The following ENPEP variants were observed in gnomAD, a reference collection of about 807,000 sequenced individuals.
ENPEP encodes glutamyl aminopeptidase.
In ENPEP, 103 loss-of-function variants were observed where a neutral mutation model predicts 114.5. That is an observed-to-expected ratio of 0.90 (90% CI 0.77 to 1.06). The LOEUF (loss-of-function observed/expected upper bound fraction) is 1.06, where lower values mean the gene tolerates loss of function less well. Among genes scored for constraint, ENPEP ranks in the 50% least tolerant of loss-of-function variants. The pLI is 0.00. For synonymous variants in ENPEP, 420 were observed against 422.0 expected, an observed-to-expected ratio of 1.00 and a Z score of 0.06; for missense variants, 1,196 against 1,161.3, an observed-to-expected ratio of 1.03 and a Z score of -0.43.
rs1727752339 is a variant in ENPEP at position 110,563,910 on chromosome 4, C to T, written c.*2352C>T. The stretch of plus-strand genomic sequence containing the variant: ...TATACCTGGGTTGAAGGTAATGATA[C>T]TCCTACAGCTTACCCTCCAAGTTGG... On this transcript the variant is annotated 3_prime_UTR_variant, in exon 20 of 20. Coordinates refer to ENST00000265162, the MANE Select transcript of ENPEP (RefSeq NM_001977.4). 1 of 152,126 alleles carries T rather than the reference C, an allele frequency of 6.6e-6. No individual in the cohort carries two copies. The highest frequency in any genetic ancestry group is 2.4e-5 in the African/African-American group (1 of 41,420). 9.4% of individuals were successfully genotyped at this position (152,126 alleles called of 1,614,324 possible). A position where few individuals can be genotyped will look rare whatever the true frequency, so the allele number is the denominator to read the frequency against.
rs76488578 is a variant in ENPEP, at chr4:110,539,617, T to C, written c.1808-3134T>C. ...TATGTTGACCAGGCTGGTCTCAAAC[T>C]GGTCTCAAGCAGTCCTCCTATCTTG... On this transcript the variant is annotated intron_variant, in intron 11 of 19. Coordinates refer to ENST00000265162, the MANE Select transcript of ENPEP (RefSeq NM_001977.4). Among the ~76,000 whole-genome samples the C allele has an allele frequency of 4.8e-3, 735 of 152,246 alleles. 8 individuals carry two copies. Among genetic ancestry groups the C allele is most frequent in the African/African-American group, 0.017 (687 of 41,540 alleles).
In ENPEP at chr4:110,499,617, C is replaced by T. The variant is rs73842138; in HGVS notation, c.919-7020C>T. Among the ~76,000 whole-genome samples, 564 of 152,226 alleles carry T rather than the reference C, an allele frequency of 3.7e-3. 3 individuals are homozygous for T. Among genetic ancestry groups the T allele is most frequent in the African/African-American group, 0.013 (544 of 41,538 alleles). On this transcript the variant is annotated intron_variant, in intron 3 of 19. Coordinates refer to ENST00000265162, the MANE Select transcript of ENPEP (RefSeq NM_001977.4). ...TTGAATACTATATGTTAATGATTAA[C>T]TACAGTGGGATTTGGGGCAATGTCT...
intron 19 of ENPEP, among the ~76,000 whole-genome samples, chr4:110,560,157 G>C (rs1291825550): frequency 1.3e-5 from 2 of 152,152 alleles, no homozygotes; most frequent in African/African-American, 4.8e-5. Flanking sequence ...ATTCCATGGT[G>C]TATATGTGCC....
rs568753070 is a variant in ENPEP at position 110,477,512 on chromosome 4, ATT to A, written c.644+463_644+464del. Among the ~76,000 whole-genome samples, 1,047 of 148,908 alleles carry A rather than the reference ATT, an allele frequency of 7.0e-3. 6 individuals carry two copies. The highest frequency in any genetic ancestry group is 0.012 in the Non-Finnish European group (808 of 66,906). On this transcript the variant is annotated intron_variant, in intron 1 of 19. Transcript: ENST00000265162. ...GTAAATTTCAGTTATTATTTTGTCC[ATT>A]TTTTTTTTGTCCAATGTCTCTTTTT...
intron 2 of ENPEP, among the ~76,000 whole-genome samples, chr4:110,490,246 G>C (rs188193355): frequency 9.4e-4 from 143 of 152,254 alleles, no homozygotes; most frequent in African/African-American, 3.3e-3. Context: ...TTATGGTAGA[G>C]TAATGTAGCC....
intron 11 of ENPEP, among the ~76,000 whole-genome samples, chr4:110,531,805 A>G (rs1467295478): frequency 6.6e-6 from 1 of 152,166 alleles, no homozygotes; most frequent in Non-Finnish European, 1.5e-5. Context: ...AATAATAGAT[A>G]AGGCAAGCTT....
intron 10 of ENPEP, among the ~76,000 whole-genome samples, chr4:110,521,672 A>G (rs1366261598): frequency 3.3e-5 from 5 of 152,098 alleles, no homozygotes; most frequent in Non-Finnish European, 7.4e-5. Flanking sequence ...ATGAACCAGG[A>G]GCAGAATGTC....
intron 4 of ENPEP, among the ~76,000 whole-genome samples, chr4:110,508,695 C>T (rs1725464148): frequency 6.6e-6 from 1 of 152,138 alleles, no homozygotes; most frequent in Non-Finnish European, 1.5e-5. Flanking sequence ...CCTGTAGTCC[C>T]AGCTACTCAG....
chr4:110,544,436 A>G (rs1726973921), intron 13 of ENPEP, among the ~76,000 whole-genome samples: 1 of 152,064 alleles, frequency 6.6e-6, no homozygotes, highest in Non-Finnish European at 1.5e-5. Context: ...AGAAAATATG[A>G]TGTTCTAGTG....
chr4:110,537,543 C>T (rs1160877644), intron 11 of ENPEP, among the ~76,000 whole-genome samples: 2 of 152,186 alleles, frequency 1.3e-5, no homozygotes, highest in Non-Finnish European at 2.9e-5. Flanking sequence ...CAGTTACATC[C>T]TCCATATAGG....
At chr4:110,491,601 T>C (rs1237039849) in intron 3 of ENPEP, among the ~76,000 whole-genome samples, 1 of 152,204 alleles carries the variant, frequency 6.6e-6, no homozygotes, top group African/African-American at 2.4e-5. Flanking sequence ...CATTCCTATA[T>C]GTAATCAAAA....
intron 14 of ENPEP, 43 bp from the exon 15 acceptor site, chr4:110,549,303 T>G: frequency 7.1e-7 from 1 of 1,403,546 alleles, no homozygotes; most frequent in South Asian, 1.2e-5. Flanking sequence ...ACTACTGATA[T>G]GTAGTAAATT....
At chr4:110,494,583 A>G (rs1239793406) in intron 3 of ENPEP, among the ~76,000 whole-genome samples, 2 of 152,174 alleles carry the variant, frequency 1.3e-5, no homozygotes, top group African/African-American at 2.4e-5. Flanking sequence ...CTTTATATCA[A>G]TAAACACAGA....
rs773539982 is a variant in ENPEP, at chr4:110,476,583, C to A, written c.169C>A (p.Pro57Thr). Residue 57 changes from proline to threonine, a missense_variant, in exon 1 of 20, where the codon CCT becomes ACT. Coordinates refer to ENST00000265162, the MANE Select transcript of ENPEP (RefSeq NM_001977.4). ...CGGCGGGCCGGGCACTGCGCCAGCT[C>A]CTTCCCACCTGCCTTCTTCCACGGC... ...GDGGPGTAPA[P>T]SHLPSSTASP... The A allele has an allele frequency of 3.1e-6, 5 of 1,613,950 alleles. No homozygotes were observed. The Admixed American group carries it at 8.3e-5, about 27-fold the overall frequency.
Position 110,563,526 on chromosome 4 carries a change from T to TA in ENPEP, c.*1970dup, listed in dbSNP as rs1727742209. ...ACCTGTTTTTTAAAAGGCTGATGCC[T>TA]AATAGATAGATCTATGCCAAGCACA... On this transcript the variant is annotated 3_prime_UTR_variant, in exon 20 of 20. Transcript: ENST00000265162. The TA allele has an allele frequency of 6.6e-6, 1 of 152,194 alleles. No individual in the cohort carries two copies. Among genetic ancestry groups the TA allele is most frequent in the Non-Finnish European group, 1.5e-5 (1 of 68,020 alleles). 9.4% of individuals were successfully genotyped at this position (152,194 alleles called of 1,614,324 possible).
At chr4:110,540,036 A>C (rs1048846984) in intron 11 of ENPEP, among the ~76,000 whole-genome samples, 1 of 152,086 alleles carries the variant, frequency 6.6e-6, no homozygotes, top group Non-Finnish European at 1.5e-5. Flanking sequence ...AAAAGTAAGA[A>C]TTTTCTAGAA....
chr4:110,537,071 GC>G, intron 11 of ENPEP, among the ~76,000 whole-genome samples: 1 of 152,296 alleles, frequency 6.6e-6, no homozygotes, highest in East Asian at 1.9e-4. Flanking sequence ...TAAGTCTTCA[GC>G]GAGTTGTAAT....
In ENPEP at chr4:110,506,697, A is replaced by G. The variant is rs1725385341; in HGVS notation, c.979A>G (p.Lys327Glu). Residue 327 changes from lysine (K) to glutamate (E), a missense_variant, in exon 4 of 20, where the codon AAA becomes GAA. By Grantham distance (56) the Lys-to-Glu change is moderately conservative. Coordinates refer to ENST00000265162, the MANE Select transcript of ENPEP (RefSeq NM_001977.4). Reference protein sequence around the residue: ...HTAEYAANITKSVFDYFEEYF... With the variant: ...HTAEYAANITESVFDYFEEYF... ...AGCCGAATATGCTGCAAACATAACT[A>G]AAAGTGTGTTTGATTATTTTGAAGA... 6.2e-7 allele frequency: 1 copy of G among 1,611,426 alleles called. No individual in the cohort carries two copies. Among genetic ancestry groups the G allele is most frequent in the Non-Finnish European group, 8.5e-7 (1 of 1,177,988 alleles).
chr4:110,508,079 C>G (rs934268262), intron 4 of ENPEP, among the ~76,000 whole-genome samples: 14 of 152,104 alleles, frequency 9.2e-5, no homozygotes, highest in Non-Finnish European at 1.9e-4. Flanking sequence ...GTGGAAATCT[C>G]ACAAATTTAT....
Sources: allele counts gnomAD v4.1 joint callset (sites outside exome capture counted in the v4.1 genomes callset), GRCh38; gene constraint gnomAD v4.1.1; transcripts MANE v1.5; gene names NCBI Gene and HGNC (gene_info 2026-07-23, HGNC 2026-07-21).